Variants in MIGA1 observed in about 807,000 individuals in gnomAD.
The protein encoded by MIGA1 is mitoguardin 1.
In MIGA1, 58 loss-of-function variants were observed where a neutral mutation model predicts 82.0. The observed-to-expected ratio is 0.71, with a 90% CI of 0.57 to 0.88. The LOEUF (loss-of-function observed/expected upper bound fraction) is 0.88, where lower values mean the gene tolerates loss of function less well. Ranked by LOEUF, MIGA1 falls within the 40% of genes least tolerant of loss-of-function variation. The pLI is 0.00. For synonymous variants in MIGA1, 249 were observed against 253.6 expected (o/e 0.98, Z 0.17); for missense variants, 751 against 749.1 (o/e 1.00, Z -0.03).
At chr1:77,816,980 T>C (rs989860971) in intron 7 of MIGA1, among the ~76,000 whole-genome samples, 2 of 152,216 alleles carry the variant, frequency 1.3e-5, no homozygotes, top group Non-Finnish European at 2.9e-5. Context: ...GGACTTTTAA[T>C]GTCTTACTCT....
chr1:77,818,435 A>G (rs943855958), intron 7 of MIGA1, among the ~76,000 whole-genome samples: 2 of 151,988 alleles, frequency 1.3e-5, no homozygotes, highest in African/African-American at 4.8e-5. Context: ...GATAATTTTC[A>G]TTCAGAATAT....
At chr1:77,831,115 C>G (rs1281372618) in intron 7 of MIGA1, among the ~76,000 whole-genome samples, 1 of 152,170 alleles carries the variant, frequency 6.6e-6, no homozygotes, top group Non-Finnish European at 1.5e-5. Flanking sequence ...TTGATGTGCC[C>G]TCAGCCTGTT....
intron 8 of MIGA1, chr1:77,848,720 T>C (rs1289585296): frequency 6.6e-7 from 1 of 1,524,124 alleles, no homozygotes; most frequent in South Asian, 1.1e-5. Context: ...GAAGAAACTG[T>C]AATGTCAGCT....
At chr1:77,809,754 GTTTTT>G (rs55741013) in intron 5 of MIGA1, among the ~76,000 whole-genome samples, 1 of 136,146 alleles carries the variant, frequency 7.3e-6, no homozygotes, top group Non-Finnish European at 1.6e-5. Context: ...GTGCATAAAT[GTTTTT>G]TTTTTTTTTT....
intron 2 of MIGA1, among the ~76,000 whole-genome samples, chr1:77,788,819 T>A (rs1682287945): frequency 6.6e-6 from 1 of 152,196 alleles, no homozygotes; most frequent in Admixed American, 6.5e-5. Context: ...CGCTTTATAG[T>A]GAGTTTTGAA....
Position 77,843,399 on chromosome 1 carries a change from G to T in MIGA1, c.988G>T (p.Ala330Ser), listed in dbSNP as rs377219659. 8.1e-6 allele frequency: 13 copies of T among 1,613,216 alleles called. No individual in the cohort carries two copies. Among genetic ancestry groups the T allele is most frequent in the African/African-American group, 6.7e-5 (5 of 75,020 alleles). Residue 330 changes from alanine (A) to serine (S), a missense_variant, in exon 8 of 16, where the codon GCA becomes TCA. Physicochemically the swap from Ala to Ser is moderately conservative, Grantham distance 99. This residue lies in a region of MIGA1 where 482 missense variants were observed against 439.4 expected (regional missense o/e 1.10). Coordinates refer to ENST00000370791, the MANE Select transcript of MIGA1 (RefSeq NM_198549.4). ...CGCATCCACGGATTCCTTTGCTTCC[G>T]CAGCAGAGGTAGGACATATGTGTTC...
chr1:77,792,203 A>G (rs956812582), intron 2 of MIGA1, among the ~76,000 whole-genome samples: 4 of 152,234 alleles, frequency 2.6e-5, no homozygotes, highest in Admixed American at 1.3e-4. Context: ...TATGGGAAAC[A>G]TAAGAGTAAC....
intron 4 of MIGA1, 28 bp downstream of exon 4, chr1:77,803,434 A>T: frequency 6.3e-6 from 8 of 1,262,002 alleles, no homozygotes; most frequent in East Asian, 2.8e-5. Context: ...ATTAATTTTT[A>T]AAATTTTTGT....
intron 8 of MIGA1, chr1:77,847,477 A>G: frequency 2.1e-6 from 3 of 1,425,696 alleles, no homozygotes; most frequent in Non-Finnish European, 3.0e-6. Context: ...AGAATGGAAA[A>G]GAAAATACAG....
chr1:77,820,464 T>C (rs1683759403), intron 7 of MIGA1, among the ~76,000 whole-genome samples: 1 of 152,144 alleles, frequency 6.6e-6, no homozygotes, highest in Non-Finnish European at 1.5e-5. Context: ...TTCTGAAAAA[T>C]TAACATATAG....
Position 77,876,597 on chromosome 1 carries a change from C to T in MIGA1, c.*1533C>T, listed in dbSNP as rs906877404. On this transcript the variant is annotated 3_prime_UTR_variant, in exon 16 of 16. Transcript: ENST00000370791. ...ACTTGGTACAGTGAAATAATTTCTC[C>T]TTTCTCCTTCCTTTTAGTTATTCCC... 2 of 152,114 alleles carry T rather than the reference C, an allele frequency of 1.3e-5. No individual in the cohort carries two copies. The highest frequency in any genetic ancestry group is 1.3e-4 in the Admixed American group (2 of 15,268). 9.4% of individuals were successfully genotyped at this position (152,114 alleles called of 1,614,324 possible).
chr1:77,783,299 C>T lies in MIGA1; in HGVS notation c.143C>T (p.Ala48Val). 2 of 1,597,950 alleles carry T rather than the reference C, an allele frequency of 1.3e-6. No individual in the cohort carries two copies. The highest frequency in any genetic ancestry group is 1.7e-6 in the Non-Finnish European group (2 of 1,169,170). The change falls in exon 2 of 16, where the codon GCA becomes GTA. Residue 48 changes from alanine (A) to valine (V), a missense_variant. Physicochemically the swap from Ala to Val is moderately conservative, Grantham distance 64 (BLOSUM62 0). Around this residue, in one of 3 missense-constraint regions of MIGA1, gnomAD observed 482 missense variants for 439.4 expected, o/e 1.10. Coordinates refer to ENST00000370791, the MANE Select transcript of MIGA1 (RefSeq NM_198549.4). ...GAATCACAGTTTTCCTTGAAGACAG[C>T]AGCGCTAAGAGTGTTTGATCTTCCT...
chr1:77,864,401 C>T (rs188140784), intron 13 of MIGA1, among the ~76,000 whole-genome samples: 29 of 151,556 alleles, frequency 1.9e-4, no homozygotes, highest in South Asian at 1.2e-3. Context: ...GTTGGCCAGG[C>T]GCGGTTGCTC....
chr1:77,877,311 T>C lies in MIGA1; in HGVS notation c.*2247T>C, dbSNP rs1170637731. 6.6e-6 allele frequency: 1 copy of C among 152,226 alleles called. No homozygotes were observed. Among genetic ancestry groups the C allele is most frequent in the Non-Finnish European group, 1.5e-5 (1 of 68,036 alleles). 9.4% of individuals were successfully genotyped at this position (152,226 alleles called of 1,614,324 possible). ...AAATATGGAATTCAGGATCATGCTG[T>C]TTTGCATGTACTTTATAGGTTATAT... On this transcript the variant is annotated 3_prime_UTR_variant, in exon 16 of 16. Transcript: ENST00000370791.
intron 7 of MIGA1, among the ~76,000 whole-genome samples, chr1:77,831,037 C>A (rs1684224571): frequency 6.6e-6 from 1 of 152,192 alleles, no homozygotes; most frequent in South Asian, 2.1e-4. Context: ...GCCTAACCTC[C>A]ATCCACAAAG....
chr1:77,836,588 G>T (rs1684431467), intron 7 of MIGA1, among the ~76,000 whole-genome samples: 1 of 152,174 alleles, frequency 6.6e-6, no homozygotes, highest in East Asian at 1.9e-4. Context: ...GATGGACCAA[G>T]TACTGTGCCT....
At chr1:77,827,437 G>T (rs554392623) in intron 7 of MIGA1, among the ~76,000 whole-genome samples, 1 of 151,908 alleles carries the variant, frequency 6.6e-6, no homozygotes, top group Non-Finnish European at 1.5e-5. Flanking sequence ...TCACACCACC[G>T]CACTCCAGCT....
At chr1:77,795,686 G>C (rs1216066947) in intron 2 of MIGA1, among the ~76,000 whole-genome samples, 2 of 149,872 alleles carry the variant, frequency 1.3e-5, no homozygotes, top group Non-Finnish European at 3.0e-5. Context: ...CTGGAGTGTA[G>C]TGGCATGATC....
chr1:77,860,275 G>T, intron 11 of MIGA1, 149 bp downstream of exon 11: 2 of 583,684 alleles, frequency 3.4e-6, no homozygotes, highest in South Asian at 4.6e-5. Context: ...GTTGAACTAT[G>T]TATAAAGTCC....
Sources: allele counts gnomAD v4.1 joint callset (sites outside exome capture counted in the v4.1 genomes callset), GRCh38; gene constraint gnomAD v4.1.1; regional missense constraint gnomAD v4.1.1; transcripts MANE v1.5; gene names NCBI Gene and HGNC (gene_info 2026-07-23, HGNC 2026-07-21).